Variants in NOC2L observed in about 807,000 individuals in gnomAD.
The protein encoded by NOC2L is nucleolar complex protein 2 homolog.
In NOC2L, 101 loss-of-function variants were observed where a neutral mutation model predicts 94.2. The ratio of observed to expected loss-of-function variants is 1.07; its 90% confidence interval spans 0.91 to 1.26. The LOEUF (loss-of-function observed/expected upper bound fraction) is 1.26, where lower values mean the gene tolerates loss of function less well. Among genes scored for constraint, NOC2L ranks in the 50% most tolerant of loss-of-function variants. The pLI is 0.00. For missense variants in NOC2L, 1,076 were observed against 980.1 expected, an observed-to-expected ratio of 1.10 and a Z score of -1.31; for synonymous variants, 531 against 413.4, an observed-to-expected ratio of 1.28 and a Z score of -3.45.
chr1:948,749 A>G, intron 12 of NOC2L, 146 bp from the exon 13 acceptor site: 1 of 26,342 alleles, frequency 3.8e-5, no homozygotes, highest in African/African-American at 1.3e-4. Context: ...CAGCACGAGG[A>G]GACCCAACCC....
chr1:956,245 G>A (rs1164632032), intron 4 of NOC2L, 30 bp from the exon 5 acceptor site: 4 of 1,609,272 alleles, frequency 2.5e-6, no homozygotes, highest in East Asian at 2.2e-5. Flanking sequence ...AGGGGCGTCA[G>A]GGGAGCTGAG....
chr1:944,612 A>G lies in NOC2L; in HGVS notation c.*82T>C. ...TGCCTCCCCCAACTGCACAGACGCC[A>G]GCCTCTAGGCCTGACTGCCAGGGAG... On this transcript the variant is annotated 3_prime_UTR_variant, in exon 19 of 19. Transcript: ENST00000327044. 1 of 835,150 alleles carries G rather than the reference A, an allele frequency of 1.2e-6. No individual in the cohort carries two copies. Among genetic ancestry groups the G allele is most frequent in the South Asian group, 1.5e-5 (1 of 65,410 alleles). The allele number at this position is 835,150 out of a possible 1,614,324, so 51.7% of individuals were successfully genotyped here. A position where few individuals can be genotyped will look rare whatever the true frequency, so the allele number is the denominator to read the frequency against.
At position 959,017 on chromosome 1, in the gene NOC2L, C is replaced by T; in HGVS notation, c.91G>A (p.Glu31Lys). Reference protein sequence around the residue: ...ASGFDSESESESENSPQAETR... With the variant: ...ASGFDSESESKSENSPQAETR... The stretch of plus-strand genomic sequence containing the variant: ...TCCGCTTGTGGAGAATTTTCGGACT[C>T]GGATTCGGACTCGGAGTCAAAGCCC... The change falls in exon 2 of 19, where the codon GAG becomes AAG. Residue 31 changes from glutamate (E) to lysine (K), a missense_variant. Transcript: ENST00000327044. The T allele has an allele frequency of 6.2e-7, 1 of 1,612,424 alleles. No homozygotes were observed. Among genetic ancestry groups the T allele is most frequent in the Non-Finnish European group, 8.5e-7 (1 of 1,179,708 alleles).
In NOC2L at chr1:957,244, T is replaced by C; in HGVS notation, c.209A>G (p.Lys70Arg). 1.2e-6 allele frequency: 2 copies of C among 1,613,850 alleles called. No individual in the cohort carries two copies. The highest frequency in any genetic ancestry group is 1.7e-6 in the Non-Finnish European group (2 of 1,180,030). ...GTCCTTCAGCCGAGAGAGCTGGTCT[T>C]TGTGCTCAGAGGCACGGCCTTTACG... ...SRRKGRASEH[K>R]DQLSRLKDRD... The change falls in exon 3 of 19, where the codon AAA becomes AGA. Residue 70 changes from lysine (K) to arginine (R), a missense_variant. Lys to Arg is a conservative substitution (Grantham distance 26). Coordinates refer to ENST00000327044, the MANE Select transcript of NOC2L (RefSeq NM_015658.4).
intron 12 of NOC2L, among the ~76,000 whole-genome samples, chr1:950,525 G>A (rs375975598): frequency 2.5e-4 from 38 of 151,792 alleles, no homozygotes; most frequent in African/African-American, 4.8e-4. Context: ...GTGCACACAC[G>A]CAAAGGTACA....
At chr1:949,046 A>AACAGTAAAG in intron 12 of NOC2L, among the ~76,000 whole-genome samples, 1 of 151,506 alleles carries the variant, frequency 6.6e-6, no homozygotes, top group South Asian at 2.1e-4. Context: ...ACGCAGCAGC[A>AACAGTAAAG]ACAGCAAAGA....
In NOC2L at chr1:945,100, TTCA is replaced by T. The variant is rs758090379; in HGVS notation, c.2097_2099del (p.Asp699del). ...CCTCCTCGCCCTCCTCCTCGTCCTC[TTCA>T]TCGTCTTCCACCCCATGCCGAGTGC... On this transcript the variant is annotated inframe_deletion, in exon 18 of 19. Transcript: ENST00000327044. The T allele has an allele frequency of 1.4e-5, 23 of 1,613,616 alleles. No individual in the cohort carries two copies. Among genetic ancestry groups the T allele is most frequent in the Admixed American group, 8.3e-5 (5 of 59,942 alleles).
At chr1:949,743 AG>A (rs899895142) in intron 12 of NOC2L, among the ~76,000 whole-genome samples, 4 of 152,190 alleles carry the variant, frequency 2.6e-5, no homozygotes, top group Non-Finnish European at 5.9e-5. Flanking sequence ...GGCCAGGCCA[AG>A]GGCTGGGCAA....
Position 945,703 on chromosome 1 carries a change from C to A in NOC2L, c.1918-50G>T, listed in dbSNP as rs776586302. 9 of 1,613,050 alleles carry A rather than the reference C, an allele frequency of 5.6e-6. No homozygotes were observed. In the South Asian group the frequency reaches 9.9e-5, roughly 18 times the overall value. On this transcript the variant is annotated intron_variant, in intron 16 of 18. Coordinates refer to ENST00000327044, the MANE Select transcript of NOC2L (RefSeq NM_015658.4). The stretch of plus-strand genomic sequence containing the variant: ...TCAGGTGAGAGAGGGCAGGGGCTGG[C>A]GGCCACAGCAGGGCCAGGCATCGCC...
At position 955,920 on chromosome 1, in the gene NOC2L, T is replaced by C; in HGVS notation, c.698+3A>G. 8 of 1,604,254 alleles carry C rather than the reference T, an allele frequency of 5.0e-6. No homozygotes were observed. In the South Asian group the frequency reaches 7.7e-5, roughly 15 times the overall value. On this transcript the variant is annotated splice_donor_region_variant and intron_variant, in intron 6 of 18. Transcript: ENST00000327044. Reference sequence around the variant, plus strand: ...TACCCCCCTTCACCCCCTCCCCTCTTACCTGCTGCTATCCTTTGCCACCTT... The same window carrying C: ...TACCCCCCTTCACCCCCTCCCCTCTCACCTGCTGCTATCCTTTGCCACCTT...
chr1:944,523 C>T lies in NOC2L; in HGVS notation c.*171G>A, dbSNP rs1455551356. 4.8e-6 allele frequency: 3 copies of T among 626,464 alleles called. No individual in the cohort carries two copies. Among genetic ancestry groups the T allele is most frequent in the East Asian group, 3.0e-5 (1 of 33,850 alleles). The allele number at this position is 626,464 out of a possible 1,614,324, so 38.8% of individuals were successfully genotyped here. Reference sequence around the variant, plus strand: ...GCAGCCACACCAGCCCAGCCCAGCCCAGCTCTCGATACGTTTGGTCTTTCA... The same window carrying T: ...GCAGCCACACCAGCCCAGCCCAGCCTAGCTCTCGATACGTTTGGTCTTTCA... On this transcript the variant is annotated 3_prime_UTR_variant, in exon 19 of 19. Coordinates refer to ENST00000327044, the MANE Select transcript of NOC2L (RefSeq NM_015658.4).
In NOC2L at chr1:944,601, G is replaced by A. The variant is rs1394878775; in HGVS notation, c.*93C>T. The A allele has an allele frequency of 2.6e-6, 2 of 762,556 alleles. No individual in the cohort carries two copies. Among genetic ancestry groups the A allele is most frequent in the Non-Finnish European group, 4.3e-6 (2 of 467,878 alleles). The allele number at this position is 762,556 out of a possible 1,614,324, so 47.2% of individuals were successfully genotyped here. On this transcript the variant is annotated 3_prime_UTR_variant, in exon 19 of 19. Coordinates refer to ENST00000327044, the MANE Select transcript of NOC2L (RefSeq NM_015658.4). ...CCCGTGTCTACTGCCTCCCCCAACT[G>A]CACAGACGCCAGCCTCTAGGCCTGA... is the stretch of plus-strand genomic sequence containing the variant.
intron 14 of NOC2L, 87 bp downstream of exon 14, chr1:948,044 A>C: frequency 3.8e-6 from 4 of 1,062,240 alleles, no homozygotes; most frequent in Non-Finnish European, 5.6e-6. Flanking sequence ...TACCCGGGAC[A>C]AGGGCACCTC....
chr1:952,646 A>AC (rs1321661100), intron 9 of NOC2L, 46 bp from the exon 10 acceptor site: 1 of 1,590,830 alleles, frequency 6.3e-7, no homozygotes, highest in African/African-American at 1.3e-5. Context: ...AGGGCCATGC[A>AC]CCTCCACCGC....
intron 17 of NOC2L, 118 bp downstream of exon 17, chr1:945,400 T>A: frequency 1.5e-6 from 2 of 1,298,920 alleles, no homozygotes; most frequent in Non-Finnish European, 2.1e-6. Flanking sequence ...TGGCCCCAGC[T>A]GGGCCAGAGA....
At chr1:951,815 C>A (rs1365432839) in intron 11 of NOC2L, among the ~76,000 whole-genome samples, 185 bp downstream of exon 11, 1 of 152,222 alleles carries the variant, frequency 6.6e-6, no homozygotes, top group Non-Finnish European at 1.5e-5. Context: ...GCCCACCAGC[C>A]CTAGCTCTCC....
rs574581485 is a variant in NOC2L at position 956,881 on chromosome 1, G to A, written c.486+13C>T. On this transcript the variant is annotated intron_variant, in intron 4 of 18. Coordinates refer to ENST00000327044, the MANE Select transcript of NOC2L (RefSeq NM_015658.4). ...CCTGGGCACCCAGCTGCCCGCCCCT[G>A]GCTGCTGCTCACCTTTGCTGCCTGC... 96 of 1,612,932 alleles carry A rather than the reference G, an allele frequency of 6.0e-5. No homozygotes were observed. Among genetic ancestry groups the A allele is most frequent in the Admixed American group, 1.5e-4 (9 of 60,000 alleles).
intron 12 of NOC2L, among the ~76,000 whole-genome samples, chr1:950,200 G>A (rs986562562): frequency 6.6e-6 from 1 of 151,646 alleles, no homozygotes; most frequent in Non-Finnish European, 1.5e-5. Context: ...AAGTGTACAG[G>A]TACACGCACA....
chr1:958,947 C>G lies in NOC2L; in HGVS notation c.161G>C (p.Gly54Ala). 6.2e-7 allele frequency: 1 copy of G among 1,612,778 alleles called. No homozygotes were observed. Among genetic ancestry groups the G allele is most frequent in the Non-Finnish European group, 8.5e-7 (1 of 1,179,970 alleles). The change falls in exon 2 of 19, where the codon GGC becomes GCC. Residue 54 changes from glycine (G) to alanine (A), a missense_variant. Gly to Ala is a moderately conservative substitution (Grantham distance 60, BLOSUM62 0). Around this residue, in one of 3 missense-constraint regions of NOC2L, gnomAD observed 457 missense variants for 386.0 expected, o/e 1.18. Transcript: ENST00000327044. ...REAARSPDKP[G>A]GSPSASRRKG... ...CACTAACCTGGCCGAGGGGCTCCCG[C>G]CCGGCTTATCCGGACTCCGGGCAGC...
Sources: gnomAD v4.1 joint callset for allele counts (sites outside exome capture counted in the v4.1 genomes callset) on GRCh38, gnomAD v4.1.1 for gene constraint, gnomAD v4.1.1 regional missense constraint, MANE v1.5 for transcripts, NCBI Gene and HGNC (gene_info 2026-07-23, HGNC 2026-07-21) for gene names.